CCM2: variants seen among roughly 807,000 people sequenced by gnomAD.
CCM2 encodes the protein cerebral cavernous malformations 2 protein.
Under a neutral mutation model 44.9 loss-of-function variants are expected in CCM2, and 25 were observed. The observed-to-expected ratio is 0.56, with a 90% confidence interval of 0.41 to 0.78. CCM2 has a LOEUF of 0.78. CCM2 is among the 30% of genes least tolerant of loss of function. The probability of loss-of-function intolerance (pLI) is 0.00; values close to 1 mark genes in which losing one functional copy is unlikely to be tolerated. For missense variants in CCM2, 481 were observed against 580.6 expected, an observed-to-expected ratio of 0.83 and a Z score of 1.76; for synonymous variants, 219 against 241.1, an observed-to-expected ratio of 0.91 and a Z score of 0.85.
intron 1 of CCM2, among the ~76,000 whole-genome samples, chr7:45,009,644 T>C (rs10276846): frequency 0.87 from 131,779 of 152,044 alleles, 57,407 homozygotes; most frequent in African/African-American, 0.96. Flanking sequence ...CCTCAGATGA[T>C]CCGCCCACCT....
At chr7:45,061,286 G>A (rs985201128) in intron 2 of CCM2, among the ~76,000 whole-genome samples, 1 of 152,058 alleles carries the variant, frequency 6.6e-6, no homozygotes, top group Admixed American at 6.6e-5. Context: ...GTGCTTCTCA[G>A]TTTTGTTTTT....
At chr7:45,011,359 G>A (rs771775772) in intron 1 of CCM2, among the ~76,000 whole-genome samples, 9 of 151,904 alleles carry the variant, frequency 5.9e-5, no homozygotes, top group Middle Eastern at 3.4e-3. Context: ...ACCACACCCG[G>A]CTAATTTTTG....
chr7:45,061,456 CTT>C (rs57140747), intron 2 of CCM2, among the ~76,000 whole-genome samples: 70 of 122,270 alleles, frequency 5.7e-4, no homozygotes, highest in South Asian at 5.0e-3. Flanking sequence ...TTCTTTCTTT[CTT>C]TTTTTTTTTT....
chr7:45,068,658 C>T, intron 5 of CCM2, 79 bp downstream of exon 5: 2 of 1,579,884 alleles, frequency 1.3e-6, no homozygotes, highest in Middle Eastern at 1.7e-4. Context: ...CTGGCCACAC[C>T]CAGCACAGTG....
chr7:45,043,627 C>G (rs1276286777), intron 2 of CCM2: 5 of 333,382 alleles, frequency 1.5e-5, no homozygotes, highest in Non-Finnish European at 2.7e-5. Context: ...AGACTCCATC[C>G]CAAAAAAAAA....
rs114693201 is a variant in CCM2, at chr7:45,052,048, C to T, written c.205-11870C>T. On this transcript the variant is annotated intron_variant, in intron 2 of 9. Coordinates refer to ENST00000258781, the MANE Select transcript of CCM2 (RefSeq NM_031443.4). ...GTGCCTACTGCTGTACCTCCTTTAG[C>T]ACTAAGTGAGTCCCTTGATCCAAGG... Among the ~76,000 whole-genome samples the T allele has an allele frequency of 7.9e-3, 1,207 of 152,312 alleles. 16 individuals carry two copies. Among genetic ancestry groups the T allele is most frequent in the African/African-American group, 0.027 (1,133 of 41,574 alleles).
intron 5 of CCM2, 146 bp downstream of exon 5, chr7:45,068,725 CCCTAGTCTCCA>C (rs1459534350): frequency 3.8e-6 from 4 of 1,044,668 alleles, no homozygotes; most frequent in Non-Finnish European, 5.7e-6. Context: ...CCCTGCCTCA[CCCTAGTCTCCA>C]CCCAGCCCCA....
chr7:45,041,927 G>A (rs1242745255), intron 2 of CCM2, among the ~76,000 whole-genome samples: 1 of 152,150 alleles, frequency 6.6e-6, no homozygotes, highest in Non-Finnish European at 1.5e-5. Context: ...CGAGGAAGGA[G>A]CCCTCCACGC....
chr7:45,030,155 T>C (rs1796893220), intron 1 of CCM2, among the ~76,000 whole-genome samples: 1 of 152,192 alleles, frequency 6.6e-6, no homozygotes, highest in Non-Finnish European at 1.5e-5. Context: ...ACTTTGGTGC[T>C]GGGACTCCAC....
At chr7:45,072,662 G>T in intron 6 of CCM2, 64 bp from the exon 7 acceptor site, 1 of 1,264,916 alleles carries the variant, frequency 7.9e-7, no homozygotes, top group South Asian at 1.2e-5. Context: ...CAGTGGGCTG[G>T]ACTCAAAATG....
intron 1 of CCM2, 42 bp downstream of exon 1, chr7:45,000,405 C>T (rs1305543078): frequency 4.3e-6 from 4 of 919,956 alleles, no homozygotes; most frequent in African/African-American, 4.0e-5. Context: ...GGTCGGCGGG[C>T]GGCTGGGTTG....
At chr7:45,028,625 C>T (rs1359658768) in intron 1 of CCM2, among the ~76,000 whole-genome samples, 1 of 152,006 alleles carries the variant, frequency 6.6e-6, no homozygotes, top group East Asian at 1.9e-4. Context: ...CCACTGCACT[C>T]CAGCCTGGGT....
At chr7:45,009,715 G>A (rs1328213209) in intron 1 of CCM2, among the ~76,000 whole-genome samples, 2 of 151,966 alleles carry the variant, frequency 1.3e-5, no homozygotes, top group Non-Finnish European at 2.9e-5. Flanking sequence ...GGCTATACTT[G>A]TTTTATCCCA....
At chr7:45,075,538 A>G (rs1025884789) in intron 9 of CCM2, among the ~76,000 whole-genome samples, 3 of 152,256 alleles carry the variant, frequency 2.0e-5, no homozygotes, top group African/African-American at 7.2e-5. Flanking sequence ...TGGCAGAGGC[A>G]GTAAGCTGTC....
chr7:45,013,701 T>C (rs1435637806), intron 1 of CCM2, among the ~76,000 whole-genome samples: 1 of 152,226 alleles, frequency 6.6e-6, no homozygotes, highest in Non-Finnish European at 1.5e-5. Flanking sequence ...CAGGATCATG[T>C]GTTGCATTTG....
At chr7:45,066,872 A>G (rs1211152572) in intron 4 of CCM2, among the ~76,000 whole-genome samples, 1 of 151,970 alleles carries the variant, frequency 6.6e-6, no homozygotes, top group Non-Finnish European at 1.5e-5. Flanking sequence ...CATACCAAAA[A>G]AAGAAAAAAA....
At chr7:45,008,637 C>T (rs1200693860) in intron 1 of CCM2, among the ~76,000 whole-genome samples, 1 of 152,080 alleles carries the variant, frequency 6.6e-6, no homozygotes, top group Non-Finnish European at 1.5e-5. Context: ...ACTGGGATTA[C>T]AGGCGTGAGC....
chr7:45,051,236 C>T (rs971330321), intron 2 of CCM2, among the ~76,000 whole-genome samples: 1 of 152,154 alleles, frequency 6.6e-6, no homozygotes, highest in African/African-American at 2.4e-5. Flanking sequence ...GTCCCAAGGC[C>T]TCATTCCACC....
At chr7:45,051,242 C>G (rs978186149) in intron 2 of CCM2, among the ~76,000 whole-genome samples, 11 of 152,142 alleles carry the variant, frequency 7.2e-5, no homozygotes, top group Non-Finnish European at 1.5e-5. Flanking sequence ...AGGCCTCATT[C>G]CACCCACTGG....
Sources: gnomAD v4.1 joint callset for allele counts (sites outside exome capture counted in the v4.1 genomes callset) on GRCh38, gnomAD v4.1.1 for gene constraint, MANE v1.5 for transcripts, NCBI Gene and HGNC (gene_info 2026-07-23, HGNC 2026-07-21) for gene names.